The following SEPTIN4 variants were observed in gnomAD, a reference collection of about 807,000 sequenced individuals.
SEPTIN4 encodes septin 4, also known as septin-4.
A neutral mutation model predicts 107.1 loss-of-function variants in SEPTIN4; 52 were observed. The ratio of observed to expected loss-of-function variants is 0.49; its 90% CI spans 0.39 to 0.61. The LOEUF is 0.61. SEPTIN4 is among the 20% of genes least tolerant of loss of function. The pLI, the probability that SEPTIN4 is intolerant of heterozygous loss-of-function variation, is 0.00. For synonymous variants in SEPTIN4, 417 were observed against 467.0 expected, an observed-to-expected ratio of 0.89 and a Z score of 1.38; for missense variants, 1,048 against 1,243.5, an observed-to-expected ratio of 0.84 and a Z score of 2.36.
In SEPTIN4 at chr17:58,541,972, A is replaced by G. The variant is rs771944448; in HGVS notation, c.1562-6T>C. 1 of 1,613,496 alleles carries G rather than the reference A, an allele frequency of 6.2e-7. No individual in the cohort carries two copies. The highest frequency in any genetic ancestry group is 2.2e-5 in the East Asian group (1 of 44,884). On this transcript the variant is annotated splice_region_variant and splice_polypyrimidine_tract_variant and intron_variant, in intron 1 of 13. Coordinates refer to ENST00000672673, the MANE Select transcript of SEPTIN4 (RefSeq NM_001368771.2). ...GTACATTTCCTCAGAGACATCTGAAAGTAACAGAGAGATGGTTGCTTTTCT... is the reference window on the plus strand; with the variant it reads ...GTACATTTCCTCAGAGACATCTGAAGGTAACAGAGAGATGGTTGCTTTTCT...
intron 7 of SEPTIN4, among the ~76,000 whole-genome samples, chr17:58,522,416 T>C (rs2042362512): frequency 6.6e-6 from 1 of 151,890 alleles, no homozygotes; most frequent in Non-Finnish European, 1.5e-5. Context: ...TCCCAACACT[T>C]TGGGAGGCCG....
At chr17:58,539,191 C>T (rs1413269109) in intron 3 of SEPTIN4, 2 of 1,533,656 alleles carry the variant, frequency 1.3e-6, no homozygotes, top group Admixed American at 3.9e-5. Flanking sequence ...AGCTCTGCTG[C>T]TGAACAGGGC....
chr17:58,525,401 G>T, intron 6 of SEPTIN4, 200 bp from the exon 7 acceptor site: 1 of 673,390 alleles, frequency 1.5e-6, no homozygotes, highest in Non-Finnish European at 2.5e-6. Flanking sequence ...GGTGGCTGTT[G>T]GCTCTGGCCC....
At chr17:58,525,468 G>C (rs1038782603) in intron 6 of SEPTIN4, 1 of 611,504 alleles carries the variant, frequency 1.6e-6, no homozygotes, top group Non-Finnish European at 2.9e-6. Context: ...TTGGGGGTCA[G>C]AGACTCATTC....
intron 3 of SEPTIN4, chr17:58,529,332 G>T (rs1442707809): frequency 7.4e-6 from 11 of 1,492,564 alleles, no homozygotes; most frequent in Non-Finnish European, 9.8e-6. Flanking sequence ...TCTGTCTCTG[G>T]CAGGGGCCAA....
Position 58,542,774 on chromosome 17 carries a change from C to G in SEPTIN4, c.1413G>C (p.Glu471Asp). 6.2e-7 allele frequency: 1 copy of G among 1,614,158 alleles called. No individual in the cohort carries two copies. Among genetic ancestry groups the G allele is most frequent in the Non-Finnish European group, 8.5e-7 (1 of 1,180,038 alleles). The change falls in exon 1 of 14, where the codon GAG (glutamate) becomes GAC (aspartate). Residue 471 changes from glutamate to aspartate, a missense_variant. This residue lies in a region of SEPTIN4 where 787 missense variants were observed against 871.8 expected (regional missense o/e 0.90). Transcript: ENST00000672673. ...CCTTCTCTCTCTGGAACTTCAGATCCTCACAGAAAGGGCTAGAGTCTATTT... is the reference window on the plus strand; with the variant it reads ...CCTTCTCTCTCTGGAACTTCAGATCGTCACAGAAAGGGCTAGAGTCTATTT... ...GFKIDSSPFC[E>D]DLKFQREKAS...
chr17:58,523,562 C>T (rs1314703146), intron 7 of SEPTIN4, among the ~76,000 whole-genome samples: 6 of 151,904 alleles, frequency 3.9e-5, no homozygotes, highest in Non-Finnish European at 7.4e-5. Context: ...CCCCACCTCC[C>T]CTGCTTCCCT....
chr17:58,541,658 T>C (rs528513968), intron 2 of SEPTIN4: 15 of 1,009,758 alleles, frequency 1.5e-5, no homozygotes, highest in African/African-American at 1.3e-4. Context: ...GAAAAGGCCA[T>C]GAGGCTTAAA....
In SEPTIN4 at chr17:58,543,455, A is replaced by G; in HGVS notation, c.732T>C (p.Pro244=). 6.2e-7 allele frequency: 1 copy of G among 1,614,214 alleles called. No individual in the cohort carries two copies. The highest frequency in any genetic ancestry group is 8.5e-7 in the Non-Finnish European group (1 of 1,180,034). ...ADYQTAQRRV[P]VEESETGPYG... Reference sequence around the variant, plus strand: ...AAGGACCTGTTTCTGATTCTTCTACAGGGACCCTTCTCTGGGCTGTCTGAT... The same window carrying G: ...AAGGACCTGTTTCTGATTCTTCTACGGGGACCCTTCTCTGGGCTGTCTGAT... The change falls in exon 1 of 14, where the codon CCT becomes CCC. Residue 244 remains proline (P), a synonymous_variant. Transcript: ENST00000672673.
In SEPTIN4 at chr17:58,536,387, T is replaced by C. The variant is rs78579730; in HGVS notation, c.1614+4279A>G. Among the ~76,000 whole-genome samples the C allele has an allele frequency of 1.7e-3, 264 of 152,042 alleles. 5 individuals carry two copies. The East Asian group carries it at 0.035, about 20-fold the overall frequency. Reference sequence around the variant, plus strand: ...TGCCTTCCCTCCAAAGGATTTGGAGTGTGCATGTGTAATAGGTGTAGAGAG... The same window carrying C: ...TGCCTTCCCTCCAAAGGATTTGGAGCGTGCATGTGTAATAGGTGTAGAGAG... On this transcript the variant is annotated intron_variant, in intron 3 of 13. Transcript: ENST00000672673.
intron 3 of SEPTIN4, among the ~76,000 whole-genome samples, chr17:58,534,442 C>G (rs535073652): frequency 1.3e-5 from 2 of 152,334 alleles, no homozygotes; most frequent in South Asian, 4.1e-4. Context: ...CTCTTACATT[C>G]TGTGTGATGG....
At chr17:58,524,961 T>C in intron 7 of SEPTIN4, 117 bp downstream of exon 7, 7 of 1,369,512 alleles carry the variant, frequency 5.1e-6, no homozygotes, top group Non-Finnish European at 7.1e-6. Context: ...AGTCACATGC[T>C]CAAGGTCATA....
At position 58,526,744 on chromosome 17, in the gene SEPTIN4, G is replaced by T. The variant is rs2042943347; in HGVS notation, c.1849C>A (p.Leu617Ile). ...NQQYFCAPAPLSPSARPRSPW... is the reference protein window; with the variant it reads ...NQQYFCAPAPISPSARPRSPW... ...CTGCGGGGCCTGGCAGATGGGCTGA[G>T]AGGGGCTGGGGCACAGAAGTACTGC... Residue 617 changes from leucine to isoleucine, a missense_variant, in exon 4 of 14, where the codon CTC (leucine) becomes ATC (isoleucine). By Grantham distance (5) the Leu-to-Ile change is conservative. Coordinates refer to ENST00000672673, the MANE Select transcript of SEPTIN4 (RefSeq NM_001368771.2). 1 of 1,611,838 alleles carries T rather than the reference G, an allele frequency of 6.2e-7. No individual in the cohort carries two copies. The highest frequency in any genetic ancestry group is 1.3e-5 in the African/African-American group (1 of 74,730).
Position 58,543,596 on chromosome 17 carries a change from T to C in SEPTIN4, c.591A>G (p.Pro197=). The C allele has an allele frequency of 6.2e-7, 1 of 1,614,218 alleles. No homozygotes were observed. Among genetic ancestry groups the C allele is most frequent in the Non-Finnish European group, 8.5e-7 (1 of 1,180,032 alleles). Residue 197 remains proline (P), a synonymous_variant, in exon 1 of 14, where the codon CCA becomes CCG. Transcript: ENST00000672673. The part of the protein sequence containing the change: ...VRVPRRILSY[P]KDEAVQTEPI... ...GCTCAGTTTGTACTGCTTCATCCTT[T>C]GGGTAAGACAAAATCCTACGGGGAA...
At position 58,538,117 on chromosome 17, in the gene SEPTIN4, T is replaced by G. The variant is rs1408758679; in HGVS notation, c.1614+2549A>C. ...AAAGCGAGGGAGGGTTCCTTTCACA[T>G]AGCCCATGACCTAGGATTCTGTGAA... On this transcript the variant is annotated intron_variant, in intron 3 of 13. Coordinates refer to ENST00000672673, the MANE Select transcript of SEPTIN4 (RefSeq NM_001368771.2). The surrounding 1 kb of genome is among the most constrained non-coding windows in gnomAD (Gnocchi z 4.7). Among the ~76,000 whole-genome samples, 3 of 152,188 alleles carry G rather than the reference T, an allele frequency of 2.0e-5. No homozygotes were observed. Among genetic ancestry groups the G allele is most frequent in the Non-Finnish European group, 4.4e-5 (3 of 68,020 alleles).
Position 58,525,211 on chromosome 17 carries a change from G to A in SEPTIN4, c.2093-10C>T, listed in dbSNP as rs764416091. The A allele has an allele frequency of 2.5e-6, 4 of 1,613,222 alleles. No homozygotes were observed. The highest frequency in any genetic ancestry group is 2.5e-6 in the Non-Finnish European group (3 of 1,179,946). ...GTTTGCATGATCCTCTCTGGAGAAA[G>A]GGGAAACTGAGGCCAGGGCAAGGGC... On this transcript the variant is annotated splice_polypyrimidine_tract_variant and intron_variant, in intron 6 of 13. Transcript: ENST00000672673.
chr17:58,526,207 G>A lies in SEPTIN4; in HGVS notation c.2005+13C>T, dbSNP rs752125873. On this transcript the variant is annotated intron_variant, in intron 5 of 13. Transcript: ENST00000672673. ...AACACACCCTGCCCAACCCAGCCCTGCCCCTTTTTTACCTGCCACCATGAG... is the reference window on the plus strand; with the variant it reads ...AACACACCCTGCCCAACCCAGCCCTACCCCTTTTTTACCTGCCACCATGAG... 68 of 1,578,220 alleles carry A rather than the reference G, an allele frequency of 4.3e-5. No homozygotes were observed. The highest frequency in any genetic ancestry group is 5.8e-5 in the Non-Finnish European group (68 of 1,162,838).
At chr17:58,525,571 C>T in intron 6 of SEPTIN4, 124 bp downstream of exon 6, 1 of 830,628 alleles carries the variant, frequency 1.2e-6, no homozygotes, top group Non-Finnish European at 2.0e-6. Flanking sequence ...CTATGGAGAG[C>T]TGCTGTCAGT....
rs755862073 is a variant in SEPTIN4, at chr17:58,542,990, C to T, written c.1197G>A (p.Lys399=). Reference sequence around the variant, plus strand: ...GTTCCAGTTCTGCATGGATGGAGGGCTTTTGCGAGAGTTCTGGATACCTGG... The same window carrying T: ...GTTCCAGTTCTGCATGGATGGAGGGTTTTTGCGAGAGTTCTGGATACCTGG... ...PTPRYPELSQ[K]PSIHAELELT... is the part of the protein sequence containing the mutation. Residue 399 remains lysine, a synonymous_variant, in exon 1 of 14, where the codon AAG becomes AAA. Coordinates refer to ENST00000672673, the MANE Select transcript of SEPTIN4 (RefSeq NM_001368771.2). 3.7e-6 allele frequency: 6 copies of T among 1,612,508 alleles called. No homozygotes were observed. Among genetic ancestry groups the T allele is most frequent in the Admixed American group, 3.4e-5 (2 of 59,676 alleles).
Sources: gnomAD v4.1 joint callset for allele counts (sites outside exome capture counted in the v4.1 genomes callset) on GRCh38, gnomAD v4.1.1 for gene constraint, gnomAD v4.1.1 regional missense constraint, Gnocchi (gnomAD v3.1) non-coding constraint, MANE v1.5 for transcripts, NCBI Gene and HGNC (gene_info 2026-07-23, HGNC 2026-07-21) for gene names.